LYRM4: variants seen among roughly 807,000 people sequenced by gnomAD.
The protein encoded by LYRM4 is LYR motif containing 4.
Under a neutral mutation model 11.7 loss-of-function variants are expected in LYRM4, and 9 were observed. The ratio of observed to expected loss-of-function variants is 0.77; its 90% CI spans 0.46 to 1.34. The LOEUF (loss-of-function observed/expected upper bound fraction) is 1.34, where lower values mean the gene tolerates loss of function less well. Among genes scored for constraint, LYRM4 ranks in the 40% most tolerant of loss-of-function variants. LYRM4 has a pLI of 0.00. For synonymous variants in LYRM4, 42 were observed against 40.4 expected (o/e 1.04, Z -0.15); for missense variants, 133 against 112.5 (o/e 1.18, Z -0.82).
chr6:5,226,456 C>T (rs892845732), intron 1 of LYRM4, among the ~76,000 whole-genome samples: 2 of 152,178 alleles, frequency 1.3e-5, no homozygotes, highest in Non-Finnish European at 2.9e-5. Context: ...GCAATCTCAG[C>T]TCATTGCAAC....
At chr6:5,168,510 C>T (rs987089706) in intron 2 of LYRM4, among the ~76,000 whole-genome samples, 1 of 152,112 alleles carries the variant, frequency 6.6e-6, no homozygotes, top group Non-Finnish European at 1.5e-5. Flanking sequence ...CTGCAGGACA[C>T]CTGGCTTGGG....
At chr6:5,119,979 C>CT (rs1203438100) in intron 2 of LYRM4, among the ~76,000 whole-genome samples, 1 of 151,702 alleles carries the variant, frequency 6.6e-6, no homozygotes, top group African/African-American at 2.4e-5. Flanking sequence ...ACTGCAACCT[C>CT]TGCCTCCTGG....
chr6:5,170,732 T>G (rs1759380388), intron 2 of LYRM4, among the ~76,000 whole-genome samples: 1 of 152,210 alleles, frequency 6.6e-6, no homozygotes, highest in South Asian at 2.1e-4. Flanking sequence ...ACACACCCTT[T>G]TCTCCCCAAT....
chr6:5,178,804 C>CAAAAAAAA lies in LYRM4; in HGVS notation c.207+37806_207+37813dup, dbSNP rs56880549. Among the ~76,000 whole-genome samples, 4 of 30,024 alleles carry CAAAAAAAA rather than the reference C, an allele frequency of 1.3e-4. 1 individual carries two copies. The highest frequency in any genetic ancestry group is 1.9e-4 in the Non-Finnish European group (3 of 15,684). The allele number at this position is 30,024 out of a possible 152,430, so 19.7% of individuals were successfully genotyped here. On this transcript the variant is annotated intron_variant, in intron 2 of 2. Coordinates refer to ENST00000330636, the MANE Select transcript of LYRM4 (RefSeq NM_020408.6). ...TGGGCGACAGAGTGAGACTCTGTCT[C>CAAAAAAAA]AAAAAAAAAAAAAAAAAAAAAAAAA...
the LYRM4 span, among the ~76,000 whole-genome samples, chr6:5,081,480 A>G: frequency 2.0e-4 from 31 of 152,094 alleles, no homozygotes; most frequent in African/African-American, 6.8e-4. Context: ...ACCCTCTTCC[A>G]TTCCCTCCAA....
At chr6:5,227,300 C>A (rs990220458) in intron 1 of LYRM4, among the ~76,000 whole-genome samples, 3 of 152,062 alleles carry the variant, frequency 2.0e-5, no homozygotes, top group African/African-American at 7.3e-5. Context: ...TTGGAAGGAG[C>A]CCTGGAGAAA....
At chr6:5,149,972 C>CA (rs541997315) in intron 2 of LYRM4, among the ~76,000 whole-genome samples, 64 of 152,318 alleles carry the variant, frequency 4.2e-4, no homozygotes, top group South Asian at 8.3e-4. Context: ...ATAAATGTAA[C>CA]AAAGGGCAAA....
At chr6:5,082,045 A>G in the LYRM4 span, among the ~76,000 whole-genome samples, 110 of 152,328 alleles carry the variant, frequency 7.2e-4, 1 homozygote, top group African/African-American at 2.6e-3. Context: ...TCCCTTTGCC[A>G]GTTCCTGAGT....
chr6:5,092,625 G>A, the LYRM4 span, among the ~76,000 whole-genome samples: 1 of 152,114 alleles, frequency 6.6e-6, no homozygotes, highest in African/African-American at 2.4e-5. Context: ...GGCTGAGGCA[G>A]AACAATCCCT....
intron 2 of LYRM4, among the ~76,000 whole-genome samples, chr6:5,128,204 C>T (rs917495494): frequency 6.6e-6 from 1 of 151,966 alleles, no homozygotes; most frequent in Non-Finnish European, 1.5e-5. Flanking sequence ...AGTGAAAATC[C>T]CAATTTAGGT....
chr6:5,159,045 C>T (rs1050914048), intron 2 of LYRM4, among the ~76,000 whole-genome samples: 7 of 152,178 alleles, frequency 4.6e-5, no homozygotes, highest in African/African-American at 1.7e-4. Flanking sequence ...AATTCTAATG[C>T]CACTGTATGC....
chr6:5,095,225 T>G, the LYRM4 span, among the ~76,000 whole-genome samples: 1 of 152,188 alleles, frequency 6.6e-6, no homozygotes, highest in Non-Finnish European at 1.5e-5. Flanking sequence ...CCCTGGGTGC[T>G]GCTAAACAGA....
chr6:5,212,385 C>T lies in LYRM4; in HGVS notation c.207+4233G>A, dbSNP rs552953374. 3.3e-5 allele frequency among the ~76,000 whole-genome samples: 5 copies of T among 152,336 alleles called. No individual in the cohort carries two copies. The South Asian group carries it at 6.2e-4, about 19-fold the overall frequency. ...TGCTGTTCCTGATGTAAAACACCTA[C>T]GAAGCCTTGTTAATTGTCTGGGGTA... On this transcript the variant is annotated intron_variant, in intron 2 of 2. Coordinates refer to ENST00000330636, the MANE Select transcript of LYRM4 (RefSeq NM_020408.6).
chr6:5,255,679 C>T (rs151135712), intron 1 of LYRM4, among the ~76,000 whole-genome samples: 1 of 152,184 alleles, frequency 6.6e-6, no homozygotes, highest in Non-Finnish European at 1.5e-5. Context: ...CCTAGAATAG[C>T]ATCCGTAGCC....
At chr6:5,206,877 TGTAACTGACCAATCC>T in intron 2 of LYRM4, among the ~76,000 whole-genome samples, 1 of 3,684 alleles carries the variant, frequency 2.7e-4, no homozygotes, top group East Asian at 0.026. Flanking sequence ...GACCAATCCA[TGTAACTGACCAATCC>T]ATGAAATCGC....
At chr6:5,039,719 T>TC in the LYRM4 span, among the ~76,000 whole-genome samples, 1 of 151,892 alleles carries the variant, frequency 6.6e-6, no homozygotes. Context: ...TAAGTCAAAC[T>TC]CCCCACAGAG....
rs149598827 is a variant in LYRM4, at chr6:5,259,035, C to T, written c.86+1613G>A. On this transcript the variant is annotated intron_variant, in intron 1 of 2. Coordinates refer to ENST00000330636, the MANE Select transcript of LYRM4 (RefSeq NM_020408.6). The stretch of plus-strand genomic sequence containing the variant: ...CTTAGAGATTGTCTAGTCCAACAGT[C>T]TATTTCATAAACAAGAAAACTGAAA... Among the ~76,000 whole-genome samples, 673 of 152,310 alleles carry T rather than the reference C, an allele frequency of 4.4e-3. 2 individuals are homozygous for T. The highest frequency in any genetic ancestry group is 0.015 in the African/African-American group (636 of 41,546).
chr6:5,140,361 G>A (rs1369513475), intron 2 of LYRM4, among the ~76,000 whole-genome samples: 1 of 152,042 alleles, frequency 6.6e-6, no homozygotes, highest in African/African-American at 2.4e-5. Context: ...TCTAAGGTTT[G>A]TCTTTTAACA....
At position 5,109,413 on chromosome 6, in the gene LYRM4, C is replaced by T. The variant is rs768822800; in HGVS notation, c.*10G>A. The T allele has an allele frequency of 1.2e-6, 2 of 1,613,874 alleles. No homozygotes were observed. Among genetic ancestry groups the T allele is most frequent in the East Asian group, 2.2e-5 (1 of 44,868 alleles). On this transcript the variant is annotated 3_prime_UTR_variant, in exon 3 of 3. Coordinates refer to ENST00000330636, the MANE Select transcript of LYRM4 (RefSeq NM_020408.6). ...TCCCTGGCCGCCACTGGTGGCTGGT[C>T]CCCGGCTTGCTAGGTCCTGGGCATG...
Sources: gnomAD v4.1 joint callset for allele counts (sites outside exome capture counted in the v4.1 genomes callset) on GRCh38, gnomAD v4.1.1 for gene constraint, MANE v1.5 for transcripts, NCBI Gene and HGNC (gene_info 2026-07-23, HGNC 2026-07-21) for gene names.